The following OLAH variants were observed in gnomAD, a reference collection of about 807,000 sequenced individuals.
OLAH encodes S-acyl fatty acid synthase thioesterase, medium chain.
Under a neutral mutation model 27.8 loss-of-function variants are expected in OLAH, and 33 were observed. The ratio of observed to expected loss-of-function variants is 1.19; its 90% CI spans 0.90 to 1.59. OLAH has a LOEUF of 1.59. Among genes scored for constraint, OLAH ranks in the 40% most tolerant of loss-of-function variants. OLAH has a pLI of 0.00. For missense variants in OLAH, 359 were observed against 310.8 expected, an observed-to-expected ratio of 1.16 and a Z score of -1.17; for synonymous variants, 120 against 102.9, an observed-to-expected ratio of 1.17 and a Z score of -1.01.
chr10:15,069,093 CAG>C (rs1472945401), intron 6 of OLAH, among the ~76,000 whole-genome samples: 2 of 152,164 alleles, frequency 1.3e-5, no homozygotes, highest in African/African-American at 2.4e-5. Flanking sequence ...GTGGGTAACA[CAG>C]GGAGTTCCTG....
chr10:15,053,909 T>C (rs1459984624), intron 3 of OLAH, among the ~76,000 whole-genome samples: 1 of 152,118 alleles, frequency 6.6e-6, no homozygotes, highest in Non-Finnish European at 1.5e-5. Context: ...TTGTTGTTGT[T>C]GTTTTTGTAG....
intron 1 of OLAH, among the ~76,000 whole-genome samples, chr10:15,046,331 A>C (rs201778596): frequency 1.5e-5 from 1 of 67,520 alleles, no homozygotes; most frequent in Non-Finnish European, 3.3e-5. Flanking sequence ...AATATAAATA[A>C]ATAAATAAAT....
At chr10:15,038,909 T>C (rs1261748243) in intron 1 of OLAH, among the ~76,000 whole-genome samples, 6 of 152,176 alleles carry the variant, frequency 3.9e-5, no homozygotes, top group Admixed American at 3.3e-4. Context: ...CTTGCAAATA[T>C]ATTCAGCATC....
At chr10:15,070,849 A>G (rs1344128670) in intron 6 of OLAH, among the ~76,000 whole-genome samples, 4 of 148,812 alleles carry the variant, frequency 2.7e-5, no homozygotes, top group Admixed American at 6.8e-5. Flanking sequence ...GCAATGGTGC[A>G]ATCACAGCTC....
At chr10:15,038,149 G>A (rs1177958486) in intron 1 of OLAH, among the ~76,000 whole-genome samples, 1 of 152,214 alleles carries the variant, frequency 6.6e-6, no homozygotes, top group Non-Finnish European at 1.5e-5. Context: ...TAGCCCCTTT[G>A]TTTTGGCCAA....
In OLAH at chr10:15,047,271, G is replaced by A. The variant is rs1174842794; in HGVS notation, c.-18G>A. 1 of 1,613,060 alleles carries A rather than the reference G, an allele frequency of 6.2e-7. No homozygotes were observed. Among genetic ancestry groups the A allele is most frequent in the East Asian group, 2.2e-5 (1 of 44,840 alleles). ...ACACGCCACAGAGACCAGCCATCTT[G>A]CAACCTCACCTCACAGCATGGAGAG... is the stretch of plus-strand genomic sequence containing the variant. On this transcript the variant is annotated 5_prime_UTR_variant, in exon 2 of 8. Transcript: ENST00000378228.
At chr10:15,042,747 C>T (rs1043217706), upstream of OLAH, among the ~76,000 whole-genome samples, 2 of 152,042 alleles carry the variant, frequency 1.3e-5, no homozygotes, top group Non-Finnish European at 1.5e-5. Flanking sequence ...TCCTTAGCTC[C>T]TCCACATTAG....
chr10:15,045,320 A>G (rs2131337658), intron 1 of OLAH, among the ~76,000 whole-genome samples: 1 of 152,348 alleles, frequency 6.6e-6, no homozygotes, highest in East Asian at 1.9e-4. Flanking sequence ...TAATTTTATG[A>G]AAACTTTGTA....
intron 5 of OLAH, among the ~76,000 whole-genome samples, chr10:15,065,027 C>G (rs972654884): frequency 2.0e-5 from 3 of 152,186 alleles, no homozygotes; most frequent in African/African-American, 7.2e-5. Flanking sequence ...TGAAAAGTCC[C>G]TTAAATCTCT....
intron 3 of OLAH, chr10:15,057,088 T>C (rs764686516): frequency 1.6e-6 from 2 of 1,229,464 alleles, no homozygotes; most frequent in Non-Finnish European, 2.1e-6. Context: ...ATCAAGCTTA[T>C]TACTCTTCTT....
rs552773741 is a variant in OLAH, at chr10:15,062,154, A to C, written c.302+292A>C. 2.5e-5 allele frequency: 6 copies of C among 241,034 alleles called. No individual in the cohort carries two copies. The South Asian group carries it at 3.0e-4, about 12-fold the overall frequency. The allele number at this position is 241,034 out of a possible 1,614,324, so 14.9% of individuals were successfully genotyped here. ...ATTATGCAAAGAGTATATGTTTCTT[A>C]AGCTACGTTGTATAATTCTGAGGTT... On this transcript the variant is annotated intron_variant, in intron 4 of 7. Transcript: ENST00000378228.
intron 3 of OLAH, among the ~76,000 whole-genome samples, chr10:15,052,729 C>CTTT (rs1366770171): frequency 1.5e-5 from 2 of 130,850 alleles, no homozygotes; most frequent in East Asian, 2.3e-4. Flanking sequence ...GAGGGCTTTT[C>CTTT]TTTTTTTTTT....
At chr10:15,056,769 T>G (rs1382590233) in intron 3 of OLAH, 1 of 1,332,796 alleles carries the variant, frequency 7.5e-7, no homozygotes, top group East Asian at 3.0e-5. Context: ...TAGCTGGGAC[T>G]ACAGGCATAC....
At chr10:15,042,337 G>A (rs537502375), upstream of OLAH, among the ~76,000 whole-genome samples, 31 of 151,926 alleles carry the variant, frequency 2.0e-4, no homozygotes, top group Non-Finnish European at 4.0e-4. Context: ...ATTTTTAGTA[G>A]AGACAGGGTT....
chr10:15,043,157 G>A (rs189009047), upstream of OLAH, among the ~76,000 whole-genome samples: 1 of 151,812 alleles, frequency 6.6e-6, no homozygotes, highest in East Asian at 1.9e-4. Flanking sequence ...ACCGCGTCCA[G>A]CCATCCACGT....
chr10:15,040,370 G>T (rs1166846112), upstream of OLAH, among the ~76,000 whole-genome samples: 2 of 152,182 alleles, frequency 1.3e-5, no homozygotes, highest in Non-Finnish European at 2.9e-5. Context: ...AGTGGTGAAA[G>T]ATACAGATTT....
chr10:15,044,432 T>TTA (rs999012373), intron 1 of OLAH, among the ~76,000 whole-genome samples: 6 of 151,268 alleles, frequency 4.0e-5, no homozygotes, highest in African/African-American at 1.2e-4. Flanking sequence ...TATTTTAATT[T>TTA]TATATATATA....
rs895356585 is a variant in OLAH at position 15,065,657 on chromosome 10, T to C, written c.476T>C (p.Phe159Ser). ...CAAATAAGTCATTACCTTATGGAAT[T>C]TGGAGGCACCCCCAAGCATTTTGCT... Reference protein sequence around the residue: ...EEQISHYLMEFGGTPKHFAEA... With the variant: ...EEQISHYLMESGGTPKHFAEA... Residue 159 changes from phenylalanine (F) to serine (S), a missense_variant, in exon 6 of 8, where the codon TTT becomes TCT. Transcript: ENST00000378228. The C allele has an allele frequency of 3.1e-6, 5 of 1,614,048 alleles. No individual in the cohort carries two copies. The highest frequency in any genetic ancestry group is 1.1e-5 in the South Asian group (1 of 91,086).
chr10:15,045,857 C>T lies in OLAH; in HGVS notation c.-163-1269C>T, dbSNP rs567128813. Among the ~76,000 whole-genome samples, 383 of 152,042 alleles carry T rather than the reference C, an allele frequency of 2.5e-3. 2 individuals are homozygous for T. Among genetic ancestry groups the T allele is most frequent in the African/African-American group, 8.8e-3 (366 of 41,450 alleles). Reference sequence around the variant, plus strand: ...CCAGCCTGGCCAACATGGTGAAACCCCCGTCTCTACTAAAAATACAAAAAT... The same window carrying T: ...CCAGCCTGGCCAACATGGTGAAACCTCCGTCTCTACTAAAAATACAAAAAT... On this transcript the variant is annotated intron_variant, in intron 1 of 7. Coordinates refer to ENST00000378228, the MANE Select transcript of OLAH (RefSeq NM_001039702.3).
Sources: allele counts gnomAD v4.1 joint callset (sites outside exome capture counted in the v4.1 genomes callset), GRCh38; gene constraint gnomAD v4.1.1; transcripts MANE v1.5; gene names NCBI Gene and HGNC (gene_info 2026-07-23, HGNC 2026-07-21).